The following TET2 variants were observed in gnomAD, a reference collection of about 807,000 sequenced individuals.
The protein encoded by TET2 is tet methylcytosine dioxygenase 2.
In TET2, 299 loss-of-function variants were observed where a neutral mutation model predicts 142.9. That is an observed-to-expected ratio of 2.09 (90% CI 1.90 to 2.30). TET2 has a LOEUF of 2.30. TET2 is among the 30% of genes most tolerant of loss of function. The pLI is 0.00. For synonymous variants in TET2, 819 were observed against 849.0 expected, an observed-to-expected ratio of 0.96 and a Z score of 0.61; for missense variants, 2,418 against 2,378.0, an observed-to-expected ratio of 1.02 and a Z score of -0.35.
chr4:105,266,346 T>C (rs1381278703), intron 8 of TET2, among the ~76,000 whole-genome samples: 1 of 150,832 alleles, frequency 6.6e-6, no homozygotes, highest in Non-Finnish European at 1.5e-5. Flanking sequence ...AGTACAAAAA[T>C]TAAAAAAAAA....
chr4:105,255,793 T>C (rs918542939), intron 6 of TET2, among the ~76,000 whole-genome samples: 6 of 152,082 alleles, frequency 3.9e-5, no homozygotes, highest in Non-Finnish European at 7.4e-5. Context: ...TCAATTTATA[T>C]ACATTTAACA....
At chr4:105,263,078 CATATAAA>C (rs137883243) in intron 8 of TET2, among the ~76,000 whole-genome samples, 5,644 of 151,754 alleles carry the variant, frequency 0.037, 362 homozygotes, top group African/African-American at 0.13. Flanking sequence ...GAGACAGAGA[CATATAAA>C]ATAAATAGCA....
At chr4:105,194,234 AT>A (rs1175773705) in intron 2 of TET2, among the ~76,000 whole-genome samples, 1 of 152,156 alleles carries the variant, frequency 6.6e-6, no homozygotes, top group Non-Finnish European at 1.5e-5. Flanking sequence ...CATTTTTCTA[AT>A]TAACATACAC....
chr4:105,171,385 A>G (rs1248773502), intron 1 of TET2: 2 of 152,332 alleles, frequency 1.3e-5, no homozygotes, highest in East Asian at 3.9e-4. Flanking sequence ...TTTTTCTTCC[A>G]AGTATAGAGA....
rs1731143095 is a variant in TET2 at position 105,275,166 on chromosome 4, TCAGA to T, written c.4661_4664del (p.Thr1554SerfsTer16). 3.2e-6 allele frequency: 5 copies of T among 1,552,148 alleles called. No individual in the cohort carries two copies. Among genetic ancestry groups the T allele is most frequent in the Non-Finnish European group, 4.4e-6 (5 of 1,147,058 alleles). On this transcript the variant is annotated frameshift_variant, in exon 11 of 11. Transcript: ENST00000380013. LOFTEE classifies it low-confidence loss of function (END_TRUNC). Reference sequence around the variant, plus strand: ...CCCAGCAGCAGCAGCCACATCACCCTCAGACAGAGTCTGTCAACTCTTATTCTGC... The same window carrying T: ...CCCAGCAGCAGCAGCCACATCACCCTCAGAGTCTGTCAACTCTTATTCTGC...
At chr4:105,205,470 A>T (rs777373934) in intron 2 of TET2, among the ~76,000 whole-genome samples, 2 of 151,826 alleles carry the variant, frequency 1.3e-5, no homozygotes, top group Non-Finnish European at 2.9e-5. Context: ...TTCTTCTACT[A>T]TTAAGTAACA....
At chr4:105,268,937 C>G (rs917758312) in intron 8 of TET2, among the ~76,000 whole-genome samples, 13 of 152,200 alleles carry the variant, frequency 8.5e-5, no homozygotes, top group African/African-American at 3.1e-4. Context: ...CGTGCCACTG[C>G]ACTCCAGCCT....
At chr4:105,229,642 G>C (rs1728388881) in intron 2 of TET2, among the ~76,000 whole-genome samples, 2 of 150,046 alleles carry the variant, frequency 1.3e-5, no homozygotes, top group Non-Finnish European at 1.5e-5. Context: ...ACACATGCTT[G>C]GAAGTTATTT....
intron 1 of TET2, among the ~76,000 whole-genome samples, chr4:105,174,479 T>C (rs1436153627): frequency 6.6e-6 from 1 of 151,984 alleles, no homozygotes; most frequent in East Asian, 1.9e-4. Flanking sequence ...GTCAGAAAAA[T>C]GAGATTATAG....
At position 105,235,337 on chromosome 4, in the gene TET2, A is replaced by G. The variant is rs145700876; in HGVS notation, c.1395A>G (p.Pro465=). ...PEAPPSQSPN[P]STHVCSPSPM... Reference sequence around the variant, plus strand: ...CACCACCTTCCCAGAGTCCTAATCCATCTACACATGTATGCAGCCCTTCTC... The same window carrying G: ...CACCACCTTCCCAGAGTCCTAATCCGTCTACACATGTATGCAGCCCTTCTC... Residue 465 remains proline, a synonymous_variant, in exon 3 of 11, where the codon CCA becomes CCG. Transcript: ENST00000380013. The G allele has an allele frequency of 1.0e-4, 167 of 1,614,072 alleles. 1 individual carries two copies. The African/African-American group carries it at 2.0e-3, about 19-fold the overall frequency.
chr4:105,146,596 C>T (rs1723027344), upstream of TET2: 1 of 153,244 alleles, frequency 6.5e-6, no homozygotes, highest in Admixed American at 6.5e-5. Context: ...CTGAGGGCCC[C>T]AGGGCGGCGG....
At chr4:105,238,365 A>C (rs1290399422) in intron 3 of TET2, 1 of 238,864 alleles carries the variant, frequency 4.2e-6, no homozygotes, top group African/African-American at 2.2e-5. Context: ...TCCATTCACA[A>C]AAGATTTCTC....
intron 2 of TET2, among the ~76,000 whole-genome samples, chr4:105,191,206 A>G (rs1176797511): frequency 6.6e-6 from 1 of 152,202 alleles, no homozygotes; most frequent in Non-Finnish European, 1.5e-5. Flanking sequence ...TTCTGAAAAT[A>G]CAAAAGAAAG....
intron 2 of TET2, among the ~76,000 whole-genome samples, chr4:105,219,739 A>G (rs527567541): frequency 1.6e-4 from 25 of 152,228 alleles, no homozygotes; most frequent in African/African-American, 5.3e-4. Context: ...GATTAAGATC[A>G]TCTTGGTGAA....
chr4:105,275,374 T>C lies in TET2; in HGVS notation c.4864T>C (p.Leu1622=), dbSNP rs757132725. ...TCCCATGAACCCTTACCCTGGGCTT[T>C]TGAATCAGAATACCCAATATCCATC... ...SNPMNPYPGL[L]NQNTQYPSYQ... is the part of the protein sequence containing the mutation. The change falls in exon 11 of 11, where the codon TTG becomes CTG. Residue 1622 remains leucine (L), a synonymous_variant. Coordinates refer to ENST00000380013, the MANE Select transcript of TET2 (RefSeq NM_001127208.3). 8 of 1,551,574 alleles carry C rather than the reference T, an allele frequency of 5.2e-6. No homozygotes were observed. Among genetic ancestry groups the C allele is most frequent in the Non-Finnish European group, 7.0e-6 (8 of 1,146,996 alleles).
At chr4:105,200,946 A>AC (rs796820485) in intron 2 of TET2, among the ~76,000 whole-genome samples, 22 of 152,318 alleles carry the variant, frequency 1.4e-4, no homozygotes, top group African/African-American at 5.1e-4. Context: ...GGCTTGAGCC[A>AC]CCACACCTGG....
At chr4:105,227,228 T>A (rs1012752115) in intron 2 of TET2, among the ~76,000 whole-genome samples, 1 of 152,196 alleles carries the variant, frequency 6.6e-6, no homozygotes, top group East Asian at 1.9e-4. Context: ...ATGAAAATCA[T>A]CCCTGGGTAA....
chr4:105,239,657 C>T (rs939134559), intron 3 of TET2: 8 of 237,404 alleles, frequency 3.4e-5, no homozygotes, highest in East Asian at 6.3e-5. Flanking sequence ...ACCACTAAAG[C>T]GCTCTCCATA....
chr4:105,178,508 C>T (rs1194113622), intron 1 of TET2, among the ~76,000 whole-genome samples: 2 of 152,166 alleles, frequency 1.3e-5, no homozygotes, highest in Admixed American at 1.3e-4. Flanking sequence ...TGTCATTATA[C>T]ATTTGTCCAA....
Sources: gnomAD v4.1 joint callset for allele counts (sites outside exome capture counted in the v4.1 genomes callset) on GRCh38, gnomAD v4.1.1 for gene constraint, MANE v1.5 for transcripts, NCBI Gene and HGNC (gene_info 2026-07-23, HGNC 2026-07-21) for gene names.